Variants in BTG4 observed in about 807,000 individuals in gnomAD.
BTG4 encodes BTG anti-proliferation factor 4.
BTG4 carries 10 observed loss-of-function variants against 19.3 expected under a neutral mutation model. The observed-to-expected ratio is 0.52, with a 90% confidence interval of 0.32 to 0.88. The LOEUF is 0.88. BTG4 is among the 40% of genes least tolerant of loss of function. BTG4 has a pLI of 0.04. For synonymous variants in BTG4, 91 were observed against 95.7 expected (o/e 0.95, Z 0.29); for missense variants, 238 against 281.9 (o/e 0.84, Z 1.11).
intron 5 of BTG4, among the ~76,000 whole-genome samples, chr11:111,480,971 T>C (rs936045228): frequency 6.6e-6 from 1 of 150,434 alleles, no homozygotes; most frequent in Non-Finnish European, 1.5e-5. Flanking sequence ...CACAAAACAA[T>C]AGAAAAAAAC....
intron 1 of BTG4, among the ~76,000 whole-genome samples, chr11:111,507,029 T>C (rs185568062): frequency 1.7e-4 from 25 of 151,482 alleles, no homozygotes; most frequent in African/African-American, 6.1e-4. Flanking sequence ...AGATAACAAA[T>C]GAGGATTATG....
the BTG4 span, chr11:111,462,335 C>T: frequency 6.6e-6 from 1 of 152,520 alleles, no homozygotes. Context: ...GAAGAGGAGG[C>T]CTGCCAGGCC....
chr11:111,486,034 A>G (rs1478271365), intron 5 of BTG4, among the ~76,000 whole-genome samples: 1 of 152,236 alleles, frequency 6.6e-6, no homozygotes, highest in Non-Finnish European at 1.5e-5. Context: ...CAAGATTGAA[A>G]CCTGAAGAGA....
At chr11:111,448,983 T>C in the BTG4 span, among the ~76,000 whole-genome samples, 1 of 152,216 alleles carries the variant, frequency 6.6e-6, no homozygotes, top group East Asian at 1.9e-4. Context: ...TGACAGACTT[T>C]ATGTTGCTTT....
chr11:111,491,734 C>CA (rs5794751), downstream of BTG4, among the ~76,000 whole-genome samples: 59,140 of 99,518 alleles, frequency 0.59, 16,470 homozygotes, highest in South Asian at 0.73. Context: ...GACCTGATCT[C>CA]AAAAAAAAAA....
the BTG4 span, among the ~76,000 whole-genome samples, chr11:111,446,346 G>A: frequency 6.6e-6 from 1 of 152,158 alleles, no homozygotes; most frequent in Non-Finnish European, 1.5e-5. Flanking sequence ...TCACAAGGTA[G>A]TTGTGAGTAC....
At chr11:111,440,911 G>A in the BTG4 span, among the ~76,000 whole-genome samples, 1 of 152,180 alleles carries the variant, frequency 6.6e-6, no homozygotes, top group Non-Finnish European at 1.5e-5. Flanking sequence ...GGGGATAGGT[G>A]ACTATCTGCC....
chr11:111,445,519 C>T, the BTG4 span, among the ~76,000 whole-genome samples: 1 of 152,158 alleles, frequency 6.6e-6, no homozygotes, highest in Non-Finnish European at 1.5e-5. Context: ...CCTCTGTATT[C>T]CCACAGGACT....
the BTG4 span, among the ~76,000 whole-genome samples, chr11:111,451,983 C>T: frequency 6.6e-6 from 1 of 152,160 alleles, no homozygotes; most frequent in South Asian, 2.1e-4. Flanking sequence ...TGGCATTGAG[C>T]GGCTTAGGAC....
rs1050888993 is a variant in BTG4 at position 111,495,016 on chromosome 11, T to C, written c.*119A>G. On this transcript the variant is annotated 3_prime_UTR_variant, in exon 5 of 5. Coordinates refer to ENST00000692032, the MANE Select transcript of BTG4 (RefSeq NM_001367975.1). Reference sequence around the variant, plus strand: ...TGAGAGGATTTACCATTGTGTACCCTAGTCCCTAATATGGTCATTTTTTGT... The same window carrying C: ...TGAGAGGATTTACCATTGTGTACCCCAGTCCCTAATATGGTCATTTTTTGT... 2.2e-6 allele frequency: 3 copies of C among 1,344,578 alleles called. No individual in the cohort carries two copies. The highest frequency in any genetic ancestry group is 1.9e-6 in the Non-Finnish European group (2 of 1,052,090). 83.3% of individuals were successfully genotyped at this position (1,344,578 alleles called of 1,614,324 possible). A position where few individuals can be genotyped will look rare whatever the true frequency, so the allele number is the denominator to read the frequency against.
At chr11:111,506,861 T>G (rs1866487483) in intron 1 of BTG4, among the ~76,000 whole-genome samples, 1 of 152,006 alleles carries the variant, frequency 6.6e-6, no homozygotes, top group Non-Finnish European at 1.5e-5. Context: ...CAGGAAGAAC[T>G]AAAGGTACTA....
At chr11:111,470,344 C>T (rs928320605) in intron 5 of BTG4, among the ~76,000 whole-genome samples, 3 of 152,062 alleles carry the variant, frequency 2.0e-5, no homozygotes, top group Non-Finnish European at 4.4e-5. Context: ...TCAGTGTTCC[C>T]AAAGTTCTGG....
chr11:111,488,102 T>A (rs571857071), intron 5 of BTG4, among the ~76,000 whole-genome samples: 21 of 151,926 alleles, frequency 1.4e-4, no homozygotes, highest in Non-Finnish European at 8.8e-5. Flanking sequence ...TAAAAAAAAA[T>A]TCTAAAATGT....
intron 1 of BTG4, among the ~76,000 whole-genome samples, chr11:111,499,569 AGAGT>A (rs977622420): frequency 2.0e-5 from 3 of 152,270 alleles, no homozygotes; most frequent in African/African-American, 4.8e-5. Context: ...TTTATAACAC[AGAGT>A]GAGAATCAAG....
the BTG4 span, among the ~76,000 whole-genome samples, chr11:111,424,903 G>A: frequency 3.3e-5 from 5 of 152,186 alleles, no homozygotes; most frequent in Non-Finnish European, 5.9e-5. Context: ...AGATTGCAGT[G>A]AGCCAGGCTG....
intron 1 of BTG4, among the ~76,000 whole-genome samples, chr11:111,508,934 T>C (rs987943021): frequency 6.6e-6 from 1 of 152,104 alleles, no homozygotes; most frequent in East Asian, 1.9e-4. Flanking sequence ...TCTCTAAAGA[T>C]GGAAAATATG....
chr11:111,456,013 A>G, the BTG4 span: 1 of 298,714 alleles, frequency 3.3e-6, no homozygotes, highest in Non-Finnish European at 7.0e-6. The surrounding 1 kb of genome is among the most constrained non-coding windows in gnomAD (Gnocchi z 4.2). Flanking sequence ...GGCAAAACAG[A>G]GCGGACACCC....
the BTG4 span, among the ~76,000 whole-genome samples, chr11:111,388,790 G>C: frequency 6.6e-6 from 1 of 152,210 alleles, no homozygotes. Flanking sequence ...GGGGATGCTG[G>C]TGGTTTGATC....
chr11:111,498,943 G>C (rs983801129), intron 1 of BTG4, 141 bp from the exon 2 acceptor site: 6 of 579,436 alleles, frequency 1.0e-5, no homozygotes, highest in Non-Finnish European at 1.5e-5. Context: ...TAGTAAACTA[G>C]GTAAGTACAT....
Sources: allele counts gnomAD v4.1 joint callset (sites outside exome capture counted in the v4.1 genomes callset), GRCh38; gene constraint gnomAD v4.1.1; non-coding constraint Gnocchi (gnomAD v3.1); transcripts MANE v1.5; gene names NCBI Gene and HGNC (gene_info 2026-07-23, HGNC 2026-07-21).